The following RYR2 variants were observed in gnomAD, a reference collection of about 807,000 sequenced individuals.
The protein encoded by RYR2 is ryanodine receptor 2.
A neutral mutation model predicts 601.1 loss-of-function variants in RYR2; 227 were observed. The observed-to-expected ratio is 0.38, with a 90% CI of 0.34 to 0.42. The LOEUF (loss-of-function observed/expected upper bound fraction) is 0.42, where lower values mean the gene tolerates loss of function less well. Ranked by LOEUF, RYR2 falls within the 10% of genes least tolerant of loss-of-function variation. RYR2 has a pLI of 1.00. For synonymous variants in RYR2, 2,223 were observed against 2,175.1 expected (o/e 1.02, Z -0.61); for missense variants, 4,646 against 6,156.5 (o/e 0.75, Z 8.21).
intron 1 of RYR2, among the ~76,000 whole-genome samples, chr1:237,137,222 T>A (rs1253786982): frequency 1.3e-5 from 2 of 152,066 alleles, no homozygotes; most frequent in African/African-American, 2.4e-5. Flanking sequence ...AACAATTATT[T>A]CTTTGCTGGT....
rs1023007304 is a variant in RYR2 at position 237,157,907 on chromosome 1, A to G, written c.49-112590A>G. On this transcript the variant is annotated intron_variant, in intron 1 of 104. Transcript: ENST00000366574. The stretch of plus-strand genomic sequence containing the variant: ...GATTTGGAATGTGCCCAATGCAAAG[A>G]CATGATAAATGTTTGAGATAATGTA... Among the ~76,000 whole-genome samples the G allele has an allele frequency of 5.3e-5, 8 of 152,220 alleles. No homozygotes were observed. In the East Asian group the frequency reaches 1.5e-3, roughly 29 times the overall value.
At chr1:237,374,101 C>T (rs1252159545) in intron 6 of RYR2, among the ~76,000 whole-genome samples, 1 of 152,150 alleles carries the variant, frequency 6.6e-6, no homozygotes, top group Non-Finnish European at 1.5e-5. Context: ...GCTGTTCTGC[C>T]TCACAGACAT....
At chr1:237,226,979 G>A (rs1403180689) in intron 1 of RYR2, among the ~76,000 whole-genome samples, 1 of 152,106 alleles carries the variant, frequency 6.6e-6, no homozygotes, top group Non-Finnish European at 1.5e-5. Flanking sequence ...ATGTTGGCCA[G>A]GCTGGTCTCA....
At chr1:237,458,974 T>C (rs562172993) in intron 16 of RYR2, among the ~76,000 whole-genome samples, 1 of 152,328 alleles carries the variant, frequency 6.6e-6, no homozygotes, top group East Asian at 1.9e-4. Context: ...AAAGGTGACA[T>C]GCGGCTGCCA....
chr1:237,636,072 A>C (rs139354215), intron 44 of RYR2, among the ~76,000 whole-genome samples: 1 of 152,068 alleles, frequency 6.6e-6, no homozygotes, highest in Non-Finnish European at 1.5e-5. Flanking sequence ...TTTATTTTCA[A>C]CTATTGGAAA....
chr1:237,149,712 C>T (rs1418872599), intron 1 of RYR2, among the ~76,000 whole-genome samples: 4 of 152,128 alleles, frequency 2.6e-5, no homozygotes, highest in East Asian at 1.9e-4. Flanking sequence ...TTGACTTCTC[C>T]GTTAATTTCA....
chr1:237,676,402 G>A (rs1001872850), intron 60 of RYR2, among the ~76,000 whole-genome samples: 1 of 152,112 alleles, frequency 6.6e-6, no homozygotes, highest in Admixed American at 6.6e-5. Flanking sequence ...CTACCCACTT[G>A]ACACATTTCA....
At chr1:237,315,045 T>A (rs1191232052) in intron 2 of RYR2, among the ~76,000 whole-genome samples, 1 of 152,160 alleles carries the variant, frequency 6.6e-6, no homozygotes, top group Non-Finnish European at 1.5e-5. Context: ...AATTTAGAAG[T>A]ATGTAATTTT....
intron 99 of RYR2, 102 bp downstream of exon 99, chr1:237,806,385 A>T: frequency 8.2e-7 from 1 of 1,223,876 alleles, no homozygotes; most frequent in Non-Finnish European, 1.1e-6. Flanking sequence ...ACAGTTTTAA[A>T]GATTTTTTTG....
At chr1:237,757,556 C>T in intron 81 of RYR2, 141 bp from the exon 82 acceptor site, 1 of 518,532 alleles carries the variant, frequency 1.9e-6, no homozygotes, top group Non-Finnish European at 3.5e-6. Flanking sequence ...TTTTTTGGAA[C>T]ATAAGTCAGT....
intron 1 of RYR2, among the ~76,000 whole-genome samples, chr1:237,231,306 TTTTCTTTC>T (rs142958213): frequency 1.3e-5 from 2 of 151,218 alleles, no homozygotes; most frequent in Non-Finnish European, 2.9e-5. Context: ...TAGTGTCTTT[TTTTCTTTC>T]TTTCTTTCTT....
chr1:237,606,546 A>G (rs562469573), intron 35 of RYR2, among the ~76,000 whole-genome samples: 2 of 152,380 alleles, frequency 1.3e-5, no homozygotes, highest in South Asian at 4.1e-4. Flanking sequence ...AGCAATGGCA[A>G]CAAAAACTAA....
chr1:237,237,660 T>A (rs1685683668), intron 1 of RYR2, among the ~76,000 whole-genome samples: 1 of 152,128 alleles, frequency 6.6e-6, no homozygotes. Flanking sequence ...CAAAATATAT[T>A]TCTTTGACAT....
intron 29 of RYR2, among the ~76,000 whole-genome samples, chr1:237,582,670 A>G (rs961091427): frequency 6.6e-6 from 1 of 152,042 alleles, no homozygotes; most frequent in African/African-American, 2.4e-5. Context: ...GTGAGAATAC[A>G]CAGTGTTTGG....
Position 237,366,013 on chromosome 1 carries a change from G to A in RYR2, c.309+1641G>A, listed in dbSNP as rs79902210. Among the ~76,000 whole-genome samples, 210 of 152,244 alleles carry A rather than the reference G, an allele frequency of 1.4e-3. 1 individual carries two copies. Among genetic ancestry groups the A allele is most frequent in the African/African-American group, 4.4e-3 (182 of 41,536 alleles). On this transcript the variant is annotated intron_variant, in intron 5 of 104. Coordinates refer to ENST00000366574, the MANE Select transcript of RYR2 (RefSeq NM_001035.3). Reference sequence around the variant, plus strand: ...AAGGTTAGAATTGGATTAAGGGGAGGGCATATGCATGCAATTACAGTAATT... The same window carrying A: ...AAGGTTAGAATTGGATTAAGGGGAGAGCATATGCATGCAATTACAGTAATT...
At chr1:237,314,559 G>C (rs1225003389) in intron 2 of RYR2, among the ~76,000 whole-genome samples, 1 of 152,142 alleles carries the variant, frequency 6.6e-6, no homozygotes. Context: ...CAAAGAAATG[G>C]TTCATTTTAT....
intron 2 of RYR2, among the ~76,000 whole-genome samples, chr1:237,290,557 C>T (rs1455152585): frequency 6.6e-6 from 1 of 152,032 alleles, no homozygotes; most frequent in African/African-American, 2.4e-5. Context: ...TCCCCAAAAG[C>T]ACAAACTACA....
chr1:237,692,394 C>T (rs886960263), intron 63 of RYR2, among the ~76,000 whole-genome samples: 42 of 152,180 alleles, frequency 2.8e-4, no homozygotes, highest in Non-Finnish European at 5.3e-4. Context: ...CTGTGTTCCA[C>T]GATGATCTTA....
At chr1:237,491,960 C>G (rs767563903) in intron 18 of RYR2, 36 bp downstream of exon 18, 103 of 885,150 alleles carry the variant, frequency 1.2e-4, no homozygotes, top group Non-Finnish European at 1.8e-4. Context: ...AATGAATTCT[C>G]AAATCCTTTT....
Sources: gnomAD v4.1 joint callset for allele counts (sites outside exome capture counted in the v4.1 genomes callset) on GRCh38, gnomAD v4.1.1 for gene constraint, MANE v1.5 for transcripts, NCBI Gene and HGNC (gene_info 2026-07-23, HGNC 2026-07-21) for gene names.